The following MYO3B variants were observed in gnomAD, a reference collection of about 807,000 sequenced individuals.
MYO3B encodes myosin IIIB, also known as myosin-IIIb.
Under a neutral mutation model 174.6 loss-of-function variants are expected in MYO3B, and 156 were observed. The observed-to-expected ratio is 0.89, with a 90% CI of 0.78 to 1.02. The LOEUF (loss-of-function observed/expected upper bound fraction) is 1.02. Ranked by LOEUF, MYO3B falls within the 50% of genes least tolerant of loss-of-function variation. The pLI is 0.00. For missense variants in MYO3B, 1,632 were observed against 1,639.4 expected, an observed-to-expected ratio of 1.00 and a Z score of 0.08; for synonymous variants, 563 against 569.1, an observed-to-expected ratio of 0.99 and a Z score of 0.15.
chr2:170,379,791 T>C (rs2094322237), intron 9 of MYO3B, among the ~76,000 whole-genome samples: 1 of 152,242 alleles, frequency 6.6e-6, no homozygotes, highest in South Asian at 2.1e-4. Context: ...TGGACCTTTA[T>C]ATGAATTAGC....
chr2:170,255,325 TCTCTTGTG>T (rs59145323), intron 7 of MYO3B, among the ~76,000 whole-genome samples: 12,764 of 151,998 alleles, frequency 0.084, 881 homozygotes, highest in African/African-American at 0.19. Context: ...AAGGGAGTCA[TCTCTTGTG>T]CTCCTCCCCC....
intron 25 of MYO3B, among the ~76,000 whole-genome samples, chr2:170,496,177 A>G (rs926265864): frequency 1.3e-5 from 2 of 152,230 alleles, no homozygotes; most frequent in African/African-American, 4.8e-5. Context: ...CCTTGGAAAC[A>G]GCCCCAGGGT....
intron 8 of MYO3B, among the ~76,000 whole-genome samples, chr2:170,339,179 G>A (rs186338565): frequency 6.6e-6 from 1 of 152,218 alleles, no homozygotes; most frequent in Admixed American, 6.5e-5. Context: ...GGAGGGACTG[G>A]GCTGGAGAAG....
intron 8 of MYO3B, chr2:170,350,965 A>C (rs1290888677): frequency 6.6e-6 from 1 of 152,164 alleles, no homozygotes; most frequent in Non-Finnish European, 1.5e-5. Flanking sequence ...GCTAGGCCAC[A>C]TATATAAAGA....
rs144649852 is a variant in MYO3B, at chr2:170,531,049, C to T, written c.3575+11509C>T. ...TATCTTGACCCATAGGAATGTTTCC[C>T]TGGGCGACACAACCAAGTCATGCCT... On this transcript the variant is annotated intron_variant, in intron 30 of 34. Transcript: ENST00000408978. Among the ~76,000 whole-genome samples, 22 of 152,262 alleles carry T rather than the reference C, an allele frequency of 1.4e-4. 1 individual carries two copies. In the East Asian group the frequency reaches 3.5e-3, roughly 24 times the overall value.
chr2:170,404,162 A>G, intron 19 of MYO3B, 85 bp from the exon 20 acceptor site: 1 of 1,375,002 alleles, frequency 7.3e-7, no homozygotes, highest in South Asian at 1.5e-5. Flanking sequence ...CAATGTTGCT[A>G]GACCCAGAAA....
chr2:170,515,101 A>C, intron 29 of MYO3B, 79 bp downstream of exon 29: 1 of 1,194,684 alleles, frequency 8.4e-7, no homozygotes. Flanking sequence ...GGAAGTGATC[A>C]CCTCTTATAT....
chr2:170,511,748 A>G (rs954786095), intron 28 of MYO3B, among the ~76,000 whole-genome samples: 4 of 152,210 alleles, frequency 2.6e-5, no homozygotes, highest in African/African-American at 9.6e-5. Context: ...GGTACCCACA[A>G]AATATTTTTT....
rs78646387 is a variant in MYO3B, at chr2:170,436,314, A to G, written c.2651-7653A>G. Among the ~76,000 whole-genome samples the G allele has an allele frequency of 4.4e-3, 673 of 152,316 alleles. 5 individuals carry two copies. Among genetic ancestry groups the G allele is most frequent in the African/African-American group, 0.016 (659 of 41,572 alleles). ...TGAAAGAAGTGTGAACACTATTTACATTTAAATTAAAATGGAAACTTTGGT... is the reference window on the plus strand; with the variant it reads ...TGAAAGAAGTGTGAACACTATTTACGTTTAAATTAAAATGGAAACTTTGGT... On this transcript the variant is annotated intron_variant, in intron 22 of 34. Coordinates refer to ENST00000408978, the MANE Select transcript of MYO3B (RefSeq NM_138995.5).
chr2:170,406,908 G>GA (rs1356232719), intron 21 of MYO3B, among the ~76,000 whole-genome samples: 11 of 152,054 alleles, frequency 7.2e-5, no homozygotes, highest in Non-Finnish European at 1.5e-4. Context: ...GATCTCATGA[G>GA]GACCTAGGGA....
chr2:170,590,148 G>A (rs1693732520), intron 32 of MYO3B, among the ~76,000 whole-genome samples: 1 of 152,186 alleles, frequency 6.6e-6, no homozygotes, highest in African/African-American at 2.4e-5. Flanking sequence ...TCCCCATCAT[G>A]AAGTGATATA....
chr2:170,497,583 A>T (rs532698843), intron 25 of MYO3B, among the ~76,000 whole-genome samples: 4 of 151,508 alleles, frequency 2.6e-5, no homozygotes, highest in South Asian at 4.2e-4. Flanking sequence ...GCGCCACTGC[A>T]CTCCAGCCTG....
In MYO3B at chr2:170,498,641, G is replaced by C. The variant is rs1406098577; in HGVS notation, c.3064G>C (p.Glu1022Gln). The change falls in exon 26 of 35, where the codon GAG becomes CAG. Residue 1022 changes from glutamate (E) to glutamine (Q), a missense_variant. Physicochemically the swap from Glu to Gln is conservative, Grantham distance 29. Coordinates refer to ENST00000408978, the MANE Select transcript of MYO3B (RefSeq NM_138995.5). Reference protein sequence around the residue: ...TAHQTPLASKESCVAILEKSR... With the variant: ...TAHQTPLASKQSCVAILEKSR... ...ACATCAAACACCTCTTGCTAGCAAA[G>C]AGAGCTGTGTGGCTATCTTGGAAAA... 6.2e-7 allele frequency: 1 copy of C among 1,614,134 alleles called. No homozygotes were observed. The highest frequency in any genetic ancestry group is 1.3e-5 in the African/African-American group (1 of 75,060).
intron 7 of MYO3B, among the ~76,000 whole-genome samples, chr2:170,308,310 C>T (rs928304947): frequency 2.6e-5 from 4 of 152,042 alleles, no homozygotes; most frequent in Non-Finnish European, 4.4e-5. Flanking sequence ...TACAGAAGCC[C>T]GAAAGCAAAA....
intron 22 of MYO3B, among the ~76,000 whole-genome samples, chr2:170,440,797 G>C (rs1179527838): frequency 7.4e-6 from 1 of 135,764 alleles, no homozygotes; most frequent in Non-Finnish European, 1.6e-5. Flanking sequence ...TTTGGGTGTT[G>C]GTTTTTTTTT....
intron 32 of MYO3B, among the ~76,000 whole-genome samples, chr2:170,634,808 T>C (rs6749455): frequency 0.23 from 35,259 of 152,112 alleles, 5,267 homozygotes; most frequent in East Asian, 0.45. Context: ...GGGCAAAGGA[T>C]ATGAACAGAC....
At chr2:170,233,954 G>A (rs1353499074) in intron 6 of MYO3B, among the ~76,000 whole-genome samples, 4 of 152,052 alleles carry the variant, frequency 2.6e-5, no homozygotes, top group East Asian at 1.9e-4. Context: ...GGTGGATCAC[G>A]AGGTCAGGAG....
intron 7 of MYO3B, among the ~76,000 whole-genome samples, chr2:170,240,320 A>G (rs966266753): frequency 2.6e-5 from 4 of 152,218 alleles, no homozygotes; most frequent in Admixed American, 6.5e-5. Flanking sequence ...TGGAAAAATA[A>G]TAGCTGCTAA....
chr2:170,454,852 T>C (rs1276910630), intron 23 of MYO3B, among the ~76,000 whole-genome samples: 1 of 152,140 alleles, frequency 6.6e-6, no homozygotes, highest in South Asian at 2.1e-4. Context: ...TTTTTAAGCA[T>C]AATTCTGTGG....
Sources: allele counts gnomAD v4.1 joint callset (sites outside exome capture counted in the v4.1 genomes callset), GRCh38; gene constraint gnomAD v4.1.1; transcripts MANE v1.5; gene names NCBI Gene and HGNC (gene_info 2026-07-23, HGNC 2026-07-21).